The following HS6ST3 variants were observed in gnomAD, a reference collection of about 807,000 sequenced individuals.
HS6ST3 encodes the protein heparan sulfate 6-O-sulfotransferase 3, also known as heparan-sulfate 6-O-sulfotransferase 3.
A neutral mutation model predicts 36.7 loss-of-function variants in HS6ST3; 12 were observed. That is an observed-to-expected ratio of 0.33 (90% CI 0.21 to 0.53). HS6ST3 has a LOEUF of 0.53. Ranked by LOEUF, HS6ST3 falls within the 20% of genes least tolerant of loss-of-function variation. The probability of loss-of-function intolerance (pLI) is 0.95; values close to 1 mark genes in which losing one functional copy is unlikely to be tolerated. For missense variants in HS6ST3, 584 were observed against 640.9 expected (o/e 0.91, Z 0.96); for synonymous variants, 240 against 257.5 (o/e 0.93, Z 0.65).
intron 1 of HS6ST3, among the ~76,000 whole-genome samples, chr13:96,292,035 T>A (rs1436056728): frequency 1.3e-5 from 2 of 152,148 alleles, no homozygotes; most frequent in Non-Finnish European, 2.9e-5. Flanking sequence ...AACCTTGACT[T>A]ATGAGATGGT....
chr13:96,803,159 A>G (rs1318198473), intron 1 of HS6ST3, among the ~76,000 whole-genome samples: 1 of 150,822 alleles, frequency 6.6e-6, no homozygotes, highest in Non-Finnish European at 1.5e-5. Flanking sequence ...TCATTCCCCC[A>G]GTGGAGGCTG....
intron 1 of HS6ST3, among the ~76,000 whole-genome samples, chr13:96,373,326 C>G (rs2055298993): frequency 2.0e-5 from 3 of 152,146 alleles, no homozygotes; most frequent in Non-Finnish European, 4.4e-5. Flanking sequence ...CTAAAGGACC[C>G]TATCTTCCTG....
At chr13:96,195,227 G>A (rs2054306554) in intron 1 of HS6ST3, among the ~76,000 whole-genome samples, 1 of 152,182 alleles carries the variant, frequency 6.6e-6, no homozygotes, top group East Asian at 1.9e-4. Flanking sequence ...TATTATTTGA[G>A]GATGTCAAAT....
intron 1 of HS6ST3, among the ~76,000 whole-genome samples, chr13:96,290,511 G>A (rs1458409595): frequency 2.0e-5 from 3 of 152,134 alleles, no homozygotes; most frequent in African/African-American, 7.2e-5. Flanking sequence ...TTGGAGCCAA[G>A]AACTGCCCCA....
chr13:96,552,914 A>G (rs533244154), intron 1 of HS6ST3, among the ~76,000 whole-genome samples: 95 of 152,342 alleles, frequency 6.2e-4, no homozygotes, highest in African/African-American at 2.0e-3. Context: ...TGCAGGCAGA[A>G]GAGATAAGTC....
chr13:96,386,369 G>C (rs2055368006), intron 1 of HS6ST3, among the ~76,000 whole-genome samples: 1 of 152,176 alleles, frequency 6.6e-6, no homozygotes, highest in Admixed American at 6.5e-5. Context: ...GTGATGTGCA[G>C]AATGATGCCT....
At chr13:96,285,139 C>T (rs970809765) in intron 1 of HS6ST3, among the ~76,000 whole-genome samples, 8 of 152,006 alleles carry the variant, frequency 5.3e-5, no homozygotes, top group Non-Finnish European at 8.8e-5. Context: ...GATAATCAAC[C>T]GGTAAAAAAA....
At chr13:96,488,461 G>A (rs2055927285) in intron 1 of HS6ST3, among the ~76,000 whole-genome samples, 1 of 152,064 alleles carries the variant, frequency 6.6e-6, no homozygotes, top group East Asian at 1.9e-4. Flanking sequence ...TTTAGTAAGA[G>A]CGATGTGTTC....
At chr13:96,820,402 A>G (rs774152575) in intron 1 of HS6ST3, among the ~76,000 whole-genome samples, 10 of 152,344 alleles carry the variant, frequency 6.6e-5, no homozygotes, top group Non-Finnish European at 1.2e-4. Context: ...GAGTGTGTAT[A>G]TAAATGGTGA....
chr13:96,290,879 A>C (rs778244715), intron 1 of HS6ST3, among the ~76,000 whole-genome samples: 1 of 152,128 alleles, frequency 6.6e-6, no homozygotes, highest in African/African-American at 2.4e-5. Context: ...TCCAGCCACA[A>C]CTGACCTCTT....
chr13:96,695,517 C>T (rs1362698107), intron 1 of HS6ST3, among the ~76,000 whole-genome samples: 1 of 151,956 alleles, frequency 6.6e-6, no homozygotes, highest in Non-Finnish European at 1.5e-5. Flanking sequence ...CACTGCAGCT[C>T]GAATTCCTGG....
At chr13:96,590,192 G>C (rs2056377339) in intron 1 of HS6ST3, among the ~76,000 whole-genome samples, 2 of 151,998 alleles carry the variant, frequency 1.3e-5, no homozygotes, top group South Asian at 2.1e-4. Context: ...CTTTCTTTTG[G>C]GTTTATACCT....
chr13:96,098,899 A>G (rs1257121447), intron 1 of HS6ST3, among the ~76,000 whole-genome samples: 1 of 152,154 alleles, frequency 6.6e-6, no homozygotes, highest in African/African-American at 2.4e-5. Flanking sequence ...AGAGTTAGCT[A>G]TTATTATTTT....
intron 1 of HS6ST3, among the ~76,000 whole-genome samples, chr13:96,715,016 T>C (rs796811345): frequency 6.6e-6 from 1 of 152,132 alleles, no homozygotes; most frequent in Non-Finnish European, 1.5e-5. Flanking sequence ...CCCTAGGATA[T>C]TTATGATTAT....
chr13:96,685,387 G>T (rs1874747627), intron 1 of HS6ST3, among the ~76,000 whole-genome samples: 2 of 152,088 alleles, frequency 1.3e-5, no homozygotes, highest in African/African-American at 4.8e-5. Context: ...GCATAGATAT[G>T]TGAAATATCA....
chr13:96,521,935 G>A (rs1424960273), intron 1 of HS6ST3, among the ~76,000 whole-genome samples: 1 of 152,014 alleles, frequency 6.6e-6, no homozygotes, highest in African/African-American at 2.4e-5. Context: ...TCTTTTAATT[G>A]TGATGTTAGG....
chr13:96,267,377 A>G (rs188593674), intron 1 of HS6ST3, among the ~76,000 whole-genome samples: 1 of 152,200 alleles, frequency 6.6e-6, no homozygotes, highest in African/African-American at 2.4e-5. Context: ...GTATTTAACC[A>G]TTCTAAATCT....
chr13:96,576,028 G>T (rs1008843812), intron 1 of HS6ST3, among the ~76,000 whole-genome samples: 1 of 152,148 alleles, frequency 6.6e-6, no homozygotes, highest in Non-Finnish European at 1.5e-5. Flanking sequence ...GTGGCTTCCC[G>T]AAATGGGCAG....
At chr13:96,789,184 T>C (rs1877722366) in intron 1 of HS6ST3, among the ~76,000 whole-genome samples, 1 of 151,944 alleles carries the variant, frequency 6.6e-6, no homozygotes, top group South Asian at 2.1e-4. Flanking sequence ...CTCTTTGTAT[T>C]GATTTTTAGT....
Sources: allele counts gnomAD v4.1 joint callset (sites outside exome capture counted in the v4.1 genomes callset), GRCh38; gene constraint gnomAD v4.1.1; transcripts MANE v1.5; gene names NCBI Gene and HGNC (gene_info 2026-07-23, HGNC 2026-07-21).